RADIL: variants seen among roughly 807,000 people sequenced by gnomAD.
RADIL encodes the protein Rap associating with DIL domain, also known as ras-associating and dilute domain-containing protein.
In RADIL, 99 loss-of-function variants were observed where a neutral mutation model predicts 97.6. The observed-to-expected ratio is 1.01, with a 90% CI of 0.86 to 1.20. The LOEUF is 1.20. RADIL is among the 50% of genes most tolerant of loss of function. The pLI, the probability that RADIL is intolerant of heterozygous loss-of-function variation, is 0.00. For missense variants in RADIL, 1,765 were observed against 1,498.9 expected (o/e 1.18, Z -2.93); for synonymous variants, 803 against 691.8 (o/e 1.16, Z -2.52).
Position 4,877,781 on chromosome 7 carries a change from C to T in RADIL, c.359G>A (p.Gly120Asp), listed in dbSNP as rs770603622. The stretch of plus-strand genomic sequence containing the variant: ...GGCCTGCCACCGCTGCCCAGCATCG[C>T]CGGCTTGGCCCACCACGTCACACAG... The part of the protein sequence containing the change: ...YVLCDVVGQA[G>D]DAGQRWQARC... The change falls in exon 2 of 15, where the codon GGC becomes GAC. Residue 120 changes from glycine (G) to aspartate (D), a missense_variant. Transcript: ENST00000399583. 4 of 1,612,198 alleles carry T rather than the reference C, an allele frequency of 2.5e-6. No homozygotes were observed. The East Asian group carries it at 8.9e-5, about 36-fold the overall frequency.
At chr7:4,833,899 T>TGCA (rs1783217177) in intron 4 of RADIL, among the ~76,000 whole-genome samples, 1 of 152,166 alleles carries the variant, frequency 6.6e-6, no homozygotes, top group Non-Finnish European at 1.5e-5. Context: ...TGGCAATGCC[T>TGCA]GCAGCCATGG....
rs2115186405 is a variant in RADIL, at chr7:4,815,234, C to T, written c.2139+44G>A. The T allele has an allele frequency of 1.4e-6, 2 of 1,477,918 alleles. No individual in the cohort carries two copies. The highest frequency in any genetic ancestry group is 1.4e-5 in the African/African-American group (1 of 71,016). The allele number at this position is 1,477,918 out of a possible 1,614,324, so 91.6% of individuals were successfully genotyped here. On this transcript the variant is annotated intron_variant, in intron 9 of 14. Coordinates refer to ENST00000399583, the MANE Select transcript of RADIL (RefSeq NM_018059.5). This position sits in a 1 kb window ranked among gnomAD's most constrained non-coding sequence, Gnocchi z 8.0. ...TGAGCCAGGGACCCACAGCATGTGG[C>T]CCCGCCCCTCCCCACACTCGCCGCC...
Position 4,815,745 on chromosome 7 carries a change from C to T in RADIL, c.1967-295G>A, listed in dbSNP as rs1263772444. 6.6e-6 allele frequency among the ~76,000 whole-genome samples: 1 copy of T among 152,112 alleles called. No homozygotes were observed. Among genetic ancestry groups the T allele is most frequent in the Non-Finnish European group, 1.5e-5 (1 of 67,998 alleles). ...CTCTCCCACTCCCAGACACATGTGCCGGGGGCCTGCCCCCACCTGGGTCTC... is the reference window on the plus strand; with the variant it reads ...CTCTCCCACTCCCAGACACATGTGCTGGGGGCCTGCCCCCACCTGGGTCTC... On this transcript the variant is annotated intron_variant, in intron 8 of 14. Coordinates refer to ENST00000399583, the MANE Select transcript of RADIL (RefSeq NM_018059.5). The surrounding 1 kb of genome is among the most constrained non-coding windows in gnomAD (Gnocchi z 8.0).
At chr7:4,810,591 G>A (rs1043457000) in intron 9 of RADIL, among the ~76,000 whole-genome samples, 23 of 152,190 alleles carry the variant, frequency 1.5e-4, no homozygotes, top group Admixed American at 1.5e-3. Flanking sequence ...GGGCGGTTAC[G>A]AGTGGCGCCA....
chr7:4,830,367 T>C (rs551874595), intron 5 of RADIL, among the ~76,000 whole-genome samples: 2 of 151,612 alleles, frequency 1.3e-5, no homozygotes, highest in Non-Finnish European at 2.9e-5. Flanking sequence ...GCTGCACGTC[T>C]GTATCAGATC....
intron 5 of RADIL, among the ~76,000 whole-genome samples, chr7:4,831,432 A>G (rs983831314): frequency 1.3e-5 from 2 of 152,116 alleles, no homozygotes; most frequent in Admixed American, 6.6e-5. Context: ...ATGAATGGGT[A>G]CAAGGCTTAA....
intron 9 of RADIL, 62 bp from the exon 10 acceptor site, chr7:4,805,778 G>T: frequency 6.4e-7 from 1 of 1,551,470 alleles, no homozygotes; most frequent in African/African-American, 1.4e-5. Flanking sequence ...GCCCAAAGAG[G>T]GATGGCCTCC....
rs956413877 is a variant in RADIL at position 4,862,028 on chromosome 7, C to A, written c.535+15577G>T. The A allele has an allele frequency of 2.2e-5, 9 of 415,602 alleles. No individual in the cohort carries two copies. In the Admixed American group the frequency reaches 3.3e-4, roughly 15 times the overall value. The allele number at this position is 415,602 out of a possible 1,614,324, so 25.7% of individuals were successfully genotyped here. On this transcript the variant is annotated intron_variant, in intron 2 of 14. Coordinates refer to ENST00000399583, the MANE Select transcript of RADIL (RefSeq NM_018059.5). Reference sequence around the variant, plus strand: ...ACCCCTCAGCGGCTGCGTTCCAGAACCTACCGTACACGCGCGGGCGCCTGC... The same window carrying A: ...ACCCCTCAGCGGCTGCGTTCCAGAAACTACCGTACACGCGCGGGCGCCTGC...
rs190159934 is a variant in RADIL, at chr7:4,873,728, C to G, written c.535+3877G>C. Among the ~76,000 whole-genome samples the G allele has an allele frequency of 6.6e-6, 1 of 152,360 alleles. No individual in the cohort carries two copies. Among genetic ancestry groups the G allele is most frequent in the Admixed American group, 6.5e-5 (1 of 15,308 alleles). On this transcript the variant is annotated intron_variant, in intron 2 of 14. Transcript: ENST00000399583. This position sits in a 1 kb window ranked among gnomAD's most constrained non-coding sequence, Gnocchi z 4.3. ...CCACTCTCAGGACAAACAGACACCA[C>G]AGCAGCCCCATCGGTGCCCAGGGAG...
Position 4,878,113 on chromosome 7 carries a change from C to A in RADIL, c.27G>T (p.Met9Ile). The change falls in exon 2 of 15, where the codon ATG becomes ATT. Residue 9 changes from methionine to isoleucine, a missense_variant. Coordinates refer to ENST00000399583, the MANE Select transcript of RADIL (RefSeq NM_018059.5). The surrounding 1 kb of genome is among the most constrained non-coding windows in gnomAD (Gnocchi z 4.1). MFYGTHFIMSPPTKSKLKR... is the reference protein window; with the variant it reads MFYGTHFIISPPTKSKLKR... ...TCAGTTTGCTCTTGGTGGGCGGGGA[C>A]ATGATGAAGTGCGTCCCATAAAACA... The A allele has an allele frequency of 6.3e-7, 1 of 1,575,720 alleles. No homozygotes were observed. Among genetic ancestry groups the A allele is most frequent in the Non-Finnish European group, 8.6e-7 (1 of 1,161,914 alleles).
chr7:4,820,147 C>T (rs921403872), intron 6 of RADIL, among the ~76,000 whole-genome samples: 7 of 152,228 alleles, frequency 4.6e-5, no homozygotes, highest in South Asian at 2.1e-4. Flanking sequence ...CCCTGTCACA[C>T]GGAAGGACCA....
At position 4,879,242 on chromosome 7, in the gene RADIL, C is replaced by T. The variant is rs12535662; in HGVS notation, c.-64-1039G>A. ...GGGAAAACAGCCTGGGACGCGTTGG[C>T]GTGTCATACAATCACACTTCTAATG... On this transcript the variant is annotated intron_variant, in intron 1 of 14. Coordinates refer to ENST00000399583, the MANE Select transcript of RADIL (RefSeq NM_018059.5). This position sits in a 1 kb window ranked among gnomAD's most constrained non-coding sequence, Gnocchi z 4.1. Among the ~76,000 whole-genome samples, 26 of 152,368 alleles carry T rather than the reference C, an allele frequency of 1.7e-4. No homozygotes were observed. The highest frequency in any genetic ancestry group is 2.1e-4 in the Non-Finnish European group (14 of 68,036).
chr7:4,852,112 T>A (rs776131854), intron 2 of RADIL, among the ~76,000 whole-genome samples: 4 of 152,148 alleles, frequency 2.6e-5, no homozygotes, highest in Non-Finnish European at 5.9e-5. Context: ...TCTCAGGAAA[T>A]CCTCATCCGG....
intron 2 of RADIL, among the ~76,000 whole-genome samples, chr7:4,848,268 A>G (rs1322654331): frequency 6.6e-6 from 1 of 152,054 alleles, no homozygotes; most frequent in African/African-American, 2.4e-5. Context: ...TGATCACACA[A>G]CTTTGTAAAT....
rs957368678 is a variant in RADIL, at chr7:4,797,985, T to G, written c.*1393A>C. 1 of 149,280 alleles carries G rather than the reference T, an allele frequency of 6.7e-6. No homozygotes were observed. Among genetic ancestry groups the G allele is most frequent in the Non-Finnish European group, 1.5e-5 (1 of 67,614 alleles). 9.2% of individuals were successfully genotyped at this position (149,280 alleles called of 1,614,324 possible). On this transcript the variant is annotated 3_prime_UTR_variant, in exon 15 of 15. Coordinates refer to ENST00000399583, the MANE Select transcript of RADIL (RefSeq NM_018059.5). ...CGAGACTCCGTCTCATAAAAAAAAA[T>G]TAAATATTTATATTTTATATAATAA... is the stretch of plus-strand genomic sequence containing the variant.
intron 13 of RADIL, 41 bp downstream of exon 13, chr7:4,800,130 C>CTTGCATGAACAGGCGGGGCCAGGG: frequency 6.3e-7 from 1 of 1,577,786 alleles, no homozygotes. Flanking sequence ...CGGGGCCAGG[C>CTTGCATGAACAGGCGGGGCCAGGG]AGCCAGTATG....
chr7:4,856,561 A>T (rs1783836519), intron 2 of RADIL, among the ~76,000 whole-genome samples: 1 of 152,244 alleles, frequency 6.6e-6, no homozygotes, highest in African/African-American at 2.4e-5. Context: ...TCTGATGAAC[A>T]AAATCTCTTA....
rs549612086 is a variant in RADIL, at chr7:4,877,398, G to T, written c.535+207C>A. ...TGCAGTGAGCTGTGGTTGCACCACT[G>T]CACTCCAGCCTGGGTGACAGAGCAA... On this transcript the variant is annotated intron_variant, in intron 2 of 14. Coordinates refer to ENST00000399583, the MANE Select transcript of RADIL (RefSeq NM_018059.5). 2.0e-5 allele frequency among the ~76,000 whole-genome samples: 3 copies of T among 152,360 alleles called. No homozygotes were observed. In the South Asian group the frequency reaches 6.2e-4, roughly 32 times the overall value.
intron 1 of RADIL, among the ~76,000 whole-genome samples, chr7:4,881,101 TAAAAAAAAAAAAA>T (rs58900044): frequency 1.1e-4 from 6 of 55,180 alleles, no homozygotes; most frequent in African/African-American, 3.7e-4. Context: ...CCCTCTCTGT[TAAAAAAAAAAAAA>T]AAAAAAAAAA....
Sources: allele counts gnomAD v4.1 joint callset (sites outside exome capture counted in the v4.1 genomes callset), GRCh38; gene constraint gnomAD v4.1.1; non-coding constraint Gnocchi (gnomAD v3.1); transcripts MANE v1.5; gene names NCBI Gene and HGNC (gene_info 2026-07-23, HGNC 2026-07-21).